The following CELF2 variants were observed in gnomAD, a reference collection of about 807,000 sequenced individuals.
The protein encoded by CELF2 is CUGBP Elav-like family member 2.
Under a neutral mutation model 62.6 loss-of-function variants are expected in CELF2, and 8 were observed. The observed-to-expected ratio is 0.13, with a 90% CI of 0.07 to 0.23. The LOEUF (loss-of-function observed/expected upper bound fraction) is 0.23. Ranked by LOEUF, CELF2 falls within the 10% of genes least tolerant of loss-of-function variation. The pLI is 1.00. For missense variants in CELF2, 333 were observed against 671.0 expected (o/e 0.50, Z 5.56); for synonymous variants, 258 against 250.0 (o/e 1.03, Z -0.30).
rs1013945530 is a variant in CELF2, at chr10:11,328,209, A to T, written c.1439-717A>T. On this transcript the variant is annotated intron_variant, in intron 12 of 12. Transcript: ENST00000633077. The surrounding 1 kb of genome is among the most constrained non-coding windows in gnomAD (Gnocchi z 6.4). ...CAGACTTTGGGAGATGCCAGGGAGC[A>T]ATTTCCTTTCTGCTGAATTTACTGG... 5.3e-5 allele frequency among the ~76,000 whole-genome samples: 8 copies of T among 152,350 alleles called. No individual in the cohort carries two copies. The highest frequency in any genetic ancestry group is 1.9e-4 in the African/African-American group (8 of 41,588).
chr10:11,045,267 T>G (rs2062608679), intron 1 of CELF2, among the ~76,000 whole-genome samples: 1 of 151,972 alleles, frequency 6.6e-6, no homozygotes, highest in Non-Finnish European at 1.5e-5. Context: ...GCTGGGTTAG[T>G]TTTTTATGTT....
chr10:10,768,231 T>A, the CELF2 span, among the ~76,000 whole-genome samples: 1 of 151,504 alleles, frequency 6.6e-6, no homozygotes, highest in Non-Finnish European at 1.5e-5. Context: ...ATTTGCCCCA[T>A]GAGCTGGTAA....
chr10:11,127,884 A>C (rs951228110), intron 1 of CELF2, among the ~76,000 whole-genome samples: 2 of 152,274 alleles, frequency 1.3e-5, no homozygotes, highest in East Asian at 3.9e-4. Flanking sequence ...TCCTTAGTTT[A>C]ATTAGATCCC....
At chr10:11,283,997 A>G (rs71487574) in intron 8 of CELF2, among the ~76,000 whole-genome samples, 2 of 143,776 alleles carry the variant, frequency 1.4e-5, no homozygotes, top group East Asian at 2.2e-4. Flanking sequence ...TGGTGAGTGG[A>G]TGAGGGATGA....
the CELF2 span, among the ~76,000 whole-genome samples, chr10:10,763,522 C>A: frequency 6.6e-6 from 1 of 152,204 alleles, no homozygotes; most frequent in East Asian, 1.9e-4. Flanking sequence ...TCTGTACCTT[C>A]CGCAGAGCTG....
At chr10:11,038,645 A>G (rs2061346692) in intron 1 of CELF2, among the ~76,000 whole-genome samples, 1 of 152,210 alleles carries the variant, frequency 6.6e-6, no homozygotes, top group African/African-American at 2.4e-5. Context: ...GGAAAATTTG[A>G]ATATCCATTT....
chr10:10,502,457 TATTCAAACC>T, the CELF2 span, among the ~76,000 whole-genome samples: 1 of 152,050 alleles, frequency 6.6e-6, no homozygotes, highest in East Asian at 1.9e-4. Context: ...GTTACAGAGC[TATTCAAACC>T]ATTCATTTCA....
At position 11,328,426 on chromosome 10, in the gene CELF2, G is replaced by A. The variant is rs1013996192; in HGVS notation, c.1439-500G>A. ...CGATGGAGAGCTCGAGTGACAGGCT[G>A]GGGCTTGGCAGTATCTGCTGTTCTC... On this transcript the variant is annotated intron_variant, in intron 12 of 12. Coordinates refer to ENST00000633077, the MANE Select transcript of CELF2 (RefSeq NM_001326342.2). This position sits in a 1 kb window ranked among gnomAD's most constrained non-coding sequence, Gnocchi z 6.4. Among the ~76,000 whole-genome samples the A allele has an allele frequency of 1.3e-5, 2 of 152,196 alleles. No homozygotes were observed. The highest frequency in any genetic ancestry group is 2.9e-5 in the Non-Finnish European group (2 of 68,038).
chr10:10,806,203 C>CT (rs112165245), intron 1 of CELF2, among the ~76,000 whole-genome samples: 1,896 of 141,374 alleles, frequency 0.013, 65 homozygotes, highest in African/African-American at 0.026. Flanking sequence ...TTCCAGTGTT[C>CT]TTTTTTTTTT....
chr10:10,724,655 CAAAAAAAAAA>C, the CELF2 span, among the ~76,000 whole-genome samples: 2 of 81,186 alleles, frequency 2.5e-5, no homozygotes, highest in African/African-American at 1.0e-4. Flanking sequence ...GACTCCGTCT[CAAAAAAAAAA>C]AAAAAGAAAA....
At chr10:10,770,819 T>C in the CELF2 span, among the ~76,000 whole-genome samples, 46 of 152,204 alleles carry the variant, frequency 3.0e-4, no homozygotes, top group Non-Finnish European at 2.2e-4. Context: ...GATGAATGCT[T>C]GATGTGTTAT....
the CELF2 span, among the ~76,000 whole-genome samples, chr10:10,473,105 A>G: frequency 6.6e-6 from 1 of 152,136 alleles, no homozygotes; most frequent in East Asian, 1.9e-4. Flanking sequence ...CCATTGTCTA[A>G]CAATGTGAGC....
the CELF2 span, among the ~76,000 whole-genome samples, chr10:10,592,592 TATAAG>T: frequency 4.6e-5 from 7 of 152,208 alleles, no homozygotes; most frequent in African/African-American, 1.4e-4. Flanking sequence ...GTTCATATCT[TATAAG>T]ATAAGACAAA....
At chr10:10,812,054 T>G (rs1316311843) in intron 1 of CELF2, among the ~76,000 whole-genome samples, 1 of 152,212 alleles carries the variant, frequency 6.6e-6, no homozygotes, top group Non-Finnish European at 1.5e-5. Flanking sequence ...TCTGTTCTCA[T>G]GCAGAGCTGC....
chr10:10,994,038 C>G (rs1327403910), intron 2 of CELF2, among the ~76,000 whole-genome samples: 1 of 152,124 alleles, frequency 6.6e-6, no homozygotes, highest in African/African-American at 2.4e-5. Flanking sequence ...ATTTTTGTTT[C>G]TTAAGCCACT....
chr10:10,924,591 T>A, intron 2 of CELF2, among the ~76,000 whole-genome samples: 1 of 152,162 alleles, frequency 6.6e-6, no homozygotes, highest in East Asian at 1.9e-4. Context: ...TTAAAATAAT[T>A]CGGTATATAA....
At chr10:11,119,295 G>A (rs767720364) in intron 1 of CELF2, among the ~76,000 whole-genome samples, 9 of 152,156 alleles carry the variant, frequency 5.9e-5, no homozygotes, top group Non-Finnish European at 1.2e-4. Flanking sequence ...GTAGATAGGC[G>A]TCCTGAAAGT....
chr10:11,035,464 C>A (rs1415417896), intron 1 of CELF2, among the ~76,000 whole-genome samples: 1 of 152,142 alleles, frequency 6.6e-6, no homozygotes, highest in Non-Finnish European at 1.5e-5. Flanking sequence ...AGCTCAGATG[C>A]TTCAGATGAC....
At chr10:10,616,295 GGTGTGTGTGTGT>G in the CELF2 span, among the ~76,000 whole-genome samples, 288 of 143,952 alleles carry the variant, frequency 2.0e-3, 3 homozygotes, top group African/African-American at 6.9e-3. Context: ...TTTTGTTTGG[GGTGTGTGTGTGT>G]GTGTGTGTGT....
Sources: allele counts gnomAD v4.1 joint callset (sites outside exome capture counted in the v4.1 genomes callset), GRCh38; gene constraint gnomAD v4.1.1; non-coding constraint Gnocchi (gnomAD v3.1); transcripts MANE v1.5; gene names NCBI Gene and HGNC (gene_info 2026-07-23, HGNC 2026-07-21).